The following CHN2 variants were observed in gnomAD, a reference collection of about 807,000 sequenced individuals.
The protein encoded by CHN2 is chimerin 2.
In CHN2, 35 loss-of-function variants were observed where a neutral mutation model predicts 56.3. The ratio of observed to expected loss-of-function variants is 0.62; its 90% CI spans 0.47 to 0.82. The LOEUF (loss-of-function observed/expected upper bound fraction) is 0.82. Ranked by LOEUF, CHN2 falls within the 40% of genes least tolerant of loss-of-function variation. The probability of loss-of-function intolerance (pLI) is 0.00; values close to 1 mark genes in which losing one functional copy is unlikely to be tolerated. For missense variants in CHN2, 491 were observed against 580.5 expected, an observed-to-expected ratio of 0.85 and a Z score of 1.58; for synonymous variants, 210 against 212.8, an observed-to-expected ratio of 0.99 and a Z score of 0.12.
rs1001098585 is a variant in CHN2, at chr7:29,505,426, C to T, written c.991+605C>T. 5.9e-5 allele frequency among the ~76,000 whole-genome samples: 9 copies of T among 152,154 alleles called. No homozygotes were observed. In the South Asian group the frequency reaches 1.2e-3, roughly 21 times the overall value. On this transcript the variant is annotated intron_variant, in intron 10 of 12. Transcript: ENST00000222792. ...ACTGGATAGAGCCTACTGGATAGAG[C>T]CTCTACTTTGTAGTGTGGTATGTGA...
At chr7:29,205,456 C>G (rs934004766) in intron 1 of CHN2, among the ~76,000 whole-genome samples, 1 of 152,034 alleles carries the variant, frequency 6.6e-6, no homozygotes, top group African/African-American at 2.4e-5. Flanking sequence ...TTGTTAGAAT[C>G]GAATGTGTGA....
chr7:29,304,207 G>A (rs904443716), intron 1 of CHN2, among the ~76,000 whole-genome samples: 12 of 152,206 alleles, frequency 7.9e-5, no homozygotes, highest in African/African-American at 2.7e-4. Flanking sequence ...TCAACCCCAC[G>A]GTTTAGTAGA....
chr7:29,210,517 C>T (rs1308814837), intron 1 of CHN2, among the ~76,000 whole-genome samples: 1 of 151,918 alleles, frequency 6.6e-6, no homozygotes, highest in East Asian at 1.9e-4. Context: ...CTGCAATGAA[C>T]AAAACAGACA....
At chr7:29,248,422 C>T (rs1418065039) in intron 1 of CHN2, among the ~76,000 whole-genome samples, 1 of 152,178 alleles carries the variant, frequency 6.6e-6, no homozygotes, top group African/African-American at 2.4e-5. Flanking sequence ...TCAGTTCTTC[C>T]TCTTAACTTC....
intron 2 of CHN2, among the ~76,000 whole-genome samples, chr7:29,157,899 G>C (rs554940053): frequency 3.9e-5 from 6 of 152,120 alleles, no homozygotes; most frequent in African/African-American, 1.4e-4. Flanking sequence ...AAATGCTCCG[G>C]CAGTCCTTTC....
intron 2 of CHN2, among the ~76,000 whole-genome samples, chr7:29,152,590 C>T (rs1793744730): frequency 6.6e-6 from 1 of 152,156 alleles, no homozygotes; most frequent in Admixed American, 6.5e-5. Context: ...TATAAATTGC[C>T]TGGGCTTAGT....
chr7:29,320,308 G>T (rs1259333910), intron 1 of CHN2, among the ~76,000 whole-genome samples: 1 of 152,094 alleles, frequency 6.6e-6, no homozygotes, highest in Non-Finnish European at 1.5e-5. Flanking sequence ...TCTAATTTTT[G>T]CAGTCTCTGT....
At chr7:29,404,506 C>T (rs1264555621) in intron 6 of CHN2, among the ~76,000 whole-genome samples, 1 of 151,942 alleles carries the variant, frequency 6.6e-6, no homozygotes, top group Non-Finnish European at 1.5e-5. Context: ...CCTTAATGTC[C>T]ATCAATTTGA....
At chr7:29,409,683 A>C (rs568287026) in intron 6 of CHN2, among the ~76,000 whole-genome samples, 7 of 152,342 alleles carry the variant, frequency 4.6e-5, no homozygotes, top group African/African-American at 1.7e-4. Flanking sequence ...CAATTCAACA[A>C]GTGGTAGTTT....
At chr7:29,213,997 G>A (rs1422073421) in intron 1 of CHN2, among the ~76,000 whole-genome samples, 1 of 152,126 alleles carries the variant, frequency 6.6e-6, no homozygotes, top group Non-Finnish European at 1.5e-5. Flanking sequence ...TCTCAGAAGG[G>A]AAACACAAGT....
At chr7:29,479,951 T>G in intron 6 of CHN2, 1 of 1,446,344 alleles carries the variant, frequency 6.9e-7, no homozygotes, top group Non-Finnish European at 9.0e-7. Flanking sequence ...CCTCCATCAC[T>G]CAAACTGGGC....
intron 1 of CHN2, among the ~76,000 whole-genome samples, chr7:29,221,259 C>T (rs1281024897): frequency 6.6e-6 from 1 of 152,056 alleles, no homozygotes; most frequent in Non-Finnish European, 1.5e-5. Context: ...AAACTGTTTT[C>T]CACAAATGAT....
chr7:29,436,486 C>T (rs726582), intron 6 of CHN2, among the ~76,000 whole-genome samples: 142,125 of 152,246 alleles, frequency 0.93, 66,472 homozygotes, highest in African/African-American at 0.98. Context: ...TGTTAAGGTA[C>T]AGTTTTGACC....
At chr7:29,173,087 C>T (rs577782943) in intron 2 of CHN2, among the ~76,000 whole-genome samples, 49 of 148,402 alleles carry the variant, frequency 3.3e-4, no homozygotes, top group African/African-American at 1.5e-4. Context: ...GCTGAGATTG[C>T]GCCAATGTAC....
chr7:29,430,796 A>G (rs1367002537), intron 6 of CHN2, among the ~76,000 whole-genome samples: 2 of 96,964 alleles, frequency 2.1e-5, no homozygotes, highest in Non-Finnish European at 1.9e-5. Context: ...TAGCAAAAAA[A>G]AAAAAAAAAA....
chr7:29,212,544 A>G (rs976080581), intron 1 of CHN2: 14 of 1,500,420 alleles, frequency 9.3e-6, no homozygotes, highest in Middle Eastern at 3.8e-4. Flanking sequence ...GCTGCAGAGA[A>G]TAATGCCCCA....
chr7:29,194,752 G>T, upstream of CHN2: 2 of 453,496 alleles, frequency 4.4e-6, no homozygotes, highest in Admixed American at 4.5e-5. Flanking sequence ...CAAATAAATA[G>T]CGGCGGCGGC....
chr7:29,354,975 T>TA (rs1554278453), intron 2 of CHN2, among the ~76,000 whole-genome samples: 38 of 69,236 alleles, frequency 5.5e-4, no homozygotes, highest in East Asian at 8.4e-4. Flanking sequence ...TTTATTTATT[T>TA]TTTATTTATT....
intron 6 of CHN2, among the ~76,000 whole-genome samples, chr7:29,442,885 C>T (rs1783747624): frequency 6.7e-6 from 1 of 148,160 alleles, no homozygotes; most frequent in Non-Finnish European, 1.5e-5. Flanking sequence ...TATTCCATTT[C>T]TATGATTTTC....
Sources: gnomAD v4.1 joint callset for allele counts (sites outside exome capture counted in the v4.1 genomes callset) on GRCh38, gnomAD v4.1.1 for gene constraint, MANE v1.5 for transcripts, NCBI Gene and HGNC (gene_info 2026-07-23, HGNC 2026-07-21) for gene names.